The following ETV6 variants were observed in gnomAD, a reference collection of about 807,000 sequenced individuals.
The protein encoded by ETV6 is ETS variant transcription factor 6.
A neutral mutation model predicts 51.1 loss-of-function variants in ETV6; 16 were observed. That is an observed-to-expected ratio of 0.31 (90% confidence interval 0.21 to 0.48). The LOEUF (loss-of-function observed/expected upper bound fraction) is 0.48, where lower values mean the gene tolerates loss of function less well. Ranked by LOEUF, ETV6 falls within the 20% of genes least tolerant of loss-of-function variation. The probability of loss-of-function intolerance (pLI) is 0.99; values close to 1 mark genes in which losing one functional copy is unlikely to be tolerated. For synonymous variants in ETV6, 240 were observed against 224.1 expected (o/e 1.07, Z -0.64); for missense variants, 458 against 594.8 (o/e 0.77, Z 2.39).
At chr12:11,880,056 A>G (rs1253128141) in intron 5 of ETV6, among the ~76,000 whole-genome samples, 1 of 151,764 alleles carries the variant, frequency 6.6e-6, no homozygotes, top group African/African-American at 2.4e-5. Flanking sequence ...AAAAAAGGAA[A>G]AAAAATCTAT....
intron 5 of ETV6, among the ~76,000 whole-genome samples, chr12:11,883,276 C>CTTCTTCTTTTTTTTTTTTTTT (rs776231778): frequency 1.9e-4 from 15 of 79,110 alleles, no homozygotes; most frequent in East Asian, 3.9e-4. Context: ...ATGTCTTCTT[C>CTTCTTCTTTTTTTTTTTTTTT]TTTTTTTTTT....
In ETV6 at chr12:11,869,633, CAGG is replaced by C. The variant is rs1287554272; in HGVS notation, c.676_678del (p.Glu226del). ...GAGAGCTCAGGGACCCAGGCCGCAC[CAGG>C]AGAACAACCACCAGGAGTCCTACCC... On this transcript the variant is annotated inframe_deletion, in exon 5 of 8. Coordinates refer to ENST00000396373, the MANE Select transcript of ETV6 (RefSeq NM_001987.5). This position sits in a 1 kb window ranked among gnomAD's most constrained non-coding sequence, Gnocchi z 5.0. 8 of 1,614,182 alleles carry C rather than the reference CAGG, an allele frequency of 5.0e-6. No homozygotes were observed. The highest frequency in any genetic ancestry group is 6.8e-6 in the Non-Finnish European group (8 of 1,180,028).
rs914747131 is a variant in ETV6, at chr12:11,855,451, G to A, written c.463+1890G>A. Among the ~76,000 whole-genome samples, 15 of 152,274 alleles carry A rather than the reference G, an allele frequency of 9.9e-5. 1 individual carries two copies. The highest frequency in any genetic ancestry group is 3.4e-3 in the Middle Eastern group (1 of 294). On this transcript the variant is annotated intron_variant, in intron 4 of 7. Transcript: ENST00000396373. ...TTGGTCAGACCACAGACGTCCAAACGTGCATCAGTTTCTTCATGTGTACTT... is the reference window on the plus strand; with the variant it reads ...TTGGTCAGACCACAGACGTCCAAACATGCATCAGTTTCTTCATGTGTACTT...
At chr12:11,751,401 T>C (rs1355277236) in intron 1 of ETV6, 2 of 518,944 alleles carry the variant, frequency 3.9e-6, no homozygotes, top group African/African-American at 1.9e-5. Context: ...TTTTGGATGT[T>C]GTGTGTTCCA....
At chr12:11,734,230 G>A (rs575991843) in intron 1 of ETV6, among the ~76,000 whole-genome samples, 9 of 152,124 alleles carry the variant, frequency 5.9e-5, no homozygotes, top group Middle Eastern at 3.2e-3. Context: ...CATGAACATC[G>A]TATCTTTTAT....
chr12:11,778,046 A>T (rs1591667025), intron 2 of ETV6, among the ~76,000 whole-genome samples: 1 of 152,188 alleles, frequency 6.6e-6, no homozygotes, highest in African/African-American at 2.4e-5. Context: ...GATCTCACCT[A>T]CGTGACCTGG....
chr12:11,869,219 G>C lies in ETV6; in HGVS notation c.464-205G>C, dbSNP rs1370289597. On this transcript the variant is annotated intron_variant, in intron 4 of 7. Transcript: ENST00000396373. The surrounding 1 kb of genome is among the most constrained non-coding windows in gnomAD (Gnocchi z 5.0). ...CCACTGCACTCCAGCCTGGGCAACAGAGTGAGACTCCATCTCAAACAGAAA... is the reference window on the plus strand; with the variant it reads ...CCACTGCACTCCAGCCTGGGCAACACAGTGAGACTCCATCTCAAACAGAAA... Among the ~76,000 whole-genome samples, 1 of 148,710 alleles carries C rather than the reference G, an allele frequency of 6.7e-6. No homozygotes were observed. The highest frequency in any genetic ancestry group is 6.7e-5 in the Admixed American group (1 of 14,818).
At chr12:11,722,269 A>G (rs1865402273) in intron 1 of ETV6, among the ~76,000 whole-genome samples, 1 of 152,214 alleles carries the variant, frequency 6.6e-6, no homozygotes, top group Admixed American at 6.5e-5. Flanking sequence ...TCCCCTGGGT[A>G]TCTTCAGTAG....
At chr12:11,682,889 G>A (rs140813428) in intron 1 of ETV6, among the ~76,000 whole-genome samples, 52 of 152,220 alleles carry the variant, frequency 3.4e-4, no homozygotes, top group African/African-American at 1.2e-3. Flanking sequence ...GGTTCTAGTC[G>A]TGTGGTGTTA....
intron 1 of ETV6, among the ~76,000 whole-genome samples, chr12:11,738,784 G>A (rs966397777): frequency 2.0e-5 from 3 of 152,088 alleles, no homozygotes; most frequent in Admixed American, 1.3e-4. Flanking sequence ...CTTCTGAGGG[G>A]TGCAAATGAT....
intron 6 of ETV6, among the ~76,000 whole-genome samples, chr12:11,885,006 A>G (rs1257011672): frequency 2.0e-5 from 3 of 152,222 alleles, no homozygotes; most frequent in Non-Finnish European, 4.4e-5. Flanking sequence ...CCATTTCTTT[A>G]TAGAAAATAC....
At chr12:11,807,024 T>C (rs577963322) in intron 2 of ETV6, among the ~76,000 whole-genome samples, 2 of 152,266 alleles carry the variant, frequency 1.3e-5, no homozygotes, top group African/African-American at 4.8e-5. Context: ...ACATTGAAGA[T>C]TATCTTGGGT....
chr12:11,668,310 C>T (rs1159589670), intron 1 of ETV6, among the ~76,000 whole-genome samples: 1 of 138,806 alleles, frequency 7.2e-6, no homozygotes, highest in African/African-American at 2.7e-5. Context: ...GGGAGGGACA[C>T]CCTCCCCTTC....
At chr12:11,820,619 G>C (rs1336865442) in intron 2 of ETV6, among the ~76,000 whole-genome samples, 1 of 152,094 alleles carries the variant, frequency 6.6e-6, no homozygotes, top group Non-Finnish European at 1.5e-5. Flanking sequence ...AATAGTTCCT[G>C]GTAGGTCTGA....
At chr12:11,877,385 G>A (rs1947007001) in intron 5 of ETV6, among the ~76,000 whole-genome samples, 1 of 152,018 alleles carries the variant, frequency 6.6e-6, no homozygotes, top group African/African-American at 2.4e-5. Context: ...GAAGTGTGAA[G>A]GGATTGCATG....
chr12:11,776,484 ATCC>A (rs1565521828), intron 2 of ETV6, among the ~76,000 whole-genome samples: 1 of 151,472 alleles, frequency 6.6e-6, no homozygotes, highest in Middle Eastern at 3.2e-3. Flanking sequence ...GCCTCAAGCT[ATCC>A]TCCTGCTGTG....
intron 1 of ETV6, among the ~76,000 whole-genome samples, chr12:11,658,579 G>T (rs973336837): frequency 6.6e-6 from 1 of 152,230 alleles, no homozygotes; most frequent in Non-Finnish European, 1.5e-5. Flanking sequence ...CGTGTGGCTA[G>T]TTGGTGGTGC....
intron 1 of ETV6, among the ~76,000 whole-genome samples, chr12:11,674,199 T>A (rs1230974994): frequency 6.6e-6 from 1 of 152,148 alleles, no homozygotes; most frequent in Non-Finnish European, 1.5e-5. Flanking sequence ...TTCGCCTTCA[T>A]TTTTGGGAAG....
At chr12:11,663,853 G>T (rs1170944763) in intron 1 of ETV6, among the ~76,000 whole-genome samples, 1 of 152,158 alleles carries the variant, frequency 6.6e-6, no homozygotes, top group East Asian at 1.9e-4. Context: ...CTATGTTAGT[G>T]TCTACATTCC....
Sources: allele counts gnomAD v4.1 joint callset (sites outside exome capture counted in the v4.1 genomes callset), GRCh38; gene constraint gnomAD v4.1.1; non-coding constraint Gnocchi (gnomAD v3.1); transcripts MANE v1.5; gene names NCBI Gene and HGNC (gene_info 2026-07-23, HGNC 2026-07-21).